The following MDGA2 variants were observed in gnomAD, a reference collection of about 807,000 sequenced individuals.
The protein encoded by MDGA2 is MAM domain containing glycosylphosphatidylinositol anchor 2.
Under a neutral mutation model 117.8 loss-of-function variants are expected in MDGA2, and 40 were observed. The observed-to-expected ratio is 0.34, with a 90% confidence interval of 0.26 to 0.44. The LOEUF (loss-of-function observed/expected upper bound fraction) is 0.44. Ranked by LOEUF, MDGA2 falls within the 20% of genes least tolerant of loss-of-function variation. MDGA2 has a pLI of 1.00. For synonymous variants in MDGA2, 452 were observed against 439.0 expected, an observed-to-expected ratio of 1.03 and a Z score of -0.37; for missense variants, 1,123 against 1,250.6, an observed-to-expected ratio of 0.90 and a Z score of 1.54.
intron 1 of MDGA2, among the ~76,000 whole-genome samples, chr14:47,305,769 A>T (rs1397693574): frequency 1.3e-5 from 2 of 152,214 alleles, no homozygotes; most frequent in Admixed American, 6.5e-5. Context: ...TAAATTATTT[A>T]AAATTATATG....
At chr14:47,587,025 G>A (rs1896338004) in intron 1 of MDGA2, among the ~76,000 whole-genome samples, 1 of 151,826 alleles carries the variant, frequency 6.6e-6, no homozygotes, top group South Asian at 2.1e-4. Flanking sequence ...CTGAATTTAT[G>A]CTATGTGCTC....
intron 5 of MDGA2, among the ~76,000 whole-genome samples, chr14:47,116,704 T>G (rs1017699880): frequency 2.6e-5 from 4 of 151,982 alleles, no homozygotes; most frequent in Non-Finnish European, 5.9e-5. Flanking sequence ...GATATCCATG[T>G]GCAAAGAAAA....
intron 2 of MDGA2, among the ~76,000 whole-genome samples, chr14:47,287,065 G>A (rs1000440859): frequency 5.9e-5 from 9 of 151,564 alleles, no homozygotes. Context: ...CTATTCTTAT[G>A]TTACACAAGA....
chr14:47,045,964 C>CA (rs1225233960), intron 7 of MDGA2, among the ~76,000 whole-genome samples: 4 of 97,738 alleles, frequency 4.1e-5, no homozygotes, highest in South Asian at 3.2e-4. Flanking sequence ...GACTCGGTCT[C>CA]AAAAAAAAAG....
Position 47,427,368 on chromosome 14 carries a change from G to A in MDGA2, c.281-125818C>T, listed in dbSNP as rs140720824. ...GAACTGAGAGGTGTCAGGTAAAACA[G>A]AGGGAAGGATGGCTATGATCTTCAA... is the stretch of plus-strand genomic sequence containing the variant. On this transcript the variant is annotated intron_variant, in intron 1 of 16. Coordinates refer to ENST00000399232, the MANE Select transcript of MDGA2 (RefSeq NM_001113498.3). 3.1e-3 allele frequency among the ~76,000 whole-genome samples: 473 copies of A among 152,228 alleles called. 1 individual carries two copies. Among genetic ancestry groups the A allele is most frequent in the African/African-American group, 0.011 (450 of 41,546 alleles).
At chr14:47,537,627 C>G (rs1263158227) in intron 1 of MDGA2, among the ~76,000 whole-genome samples, 3 of 71,898 alleles carry the variant, frequency 4.2e-5, no homozygotes, top group Admixed American at 1.5e-4. Context: ...TAAAAATAAG[C>G]AAAAGCTTGT....
intron 6 of MDGA2, among the ~76,000 whole-genome samples, chr14:47,073,226 C>T (rs1197430208): frequency 6.6e-6 from 1 of 152,004 alleles, no homozygotes; most frequent in Non-Finnish European, 1.5e-5. Flanking sequence ...TAAGGGTAAG[C>T]GATTAATAGC....
chr14:47,321,734 A>G (rs1265368984), intron 1 of MDGA2, among the ~76,000 whole-genome samples: 2 of 152,228 alleles, frequency 1.3e-5, no homozygotes, highest in Non-Finnish European at 1.5e-5. Flanking sequence ...ACAAACCAAG[A>G]GCAGTGCAAT....
intron 1 of MDGA2, among the ~76,000 whole-genome samples, chr14:47,561,869 T>C (rs570737368): frequency 1.8e-4 from 28 of 152,352 alleles, no homozygotes; most frequent in South Asian, 6.2e-4. Context: ...AAATCTGTCA[T>C]AGATGGCTCT....
chr14:46,890,389 C>CTGA (rs1329124443), intron 10 of MDGA2, among the ~76,000 whole-genome samples: 2 of 152,062 alleles, frequency 1.3e-5, no homozygotes, highest in Non-Finnish European at 2.9e-5. Flanking sequence ...AAATTCTCAA[C>CTGA]TGACCTTTTC....
chr14:46,873,663 G>T, intron 13 of MDGA2, 72 bp from the exon 14 acceptor site: 1 of 1,352,030 alleles, frequency 7.4e-7, no homozygotes, highest in Non-Finnish European at 1.0e-6. Context: ...TCACTGAGAA[G>T]TCTTATAGTT....
intron 5 of MDGA2, among the ~76,000 whole-genome samples, chr14:47,123,668 A>C (rs188102766): frequency 1.7e-4 from 26 of 152,180 alleles, no homozygotes; most frequent in Non-Finnish European, 2.6e-4. Context: ...TATACCTAGA[A>C]TATGAGTCAT....
intron 1 of MDGA2, among the ~76,000 whole-genome samples, chr14:47,496,417 A>G (rs891238184): frequency 6.6e-6 from 1 of 151,956 alleles, no homozygotes; most frequent in African/African-American, 2.4e-5. Context: ...TAATTTTTAA[A>G]TATTTTTGTA....
chr14:47,129,222 T>A (rs1424406297), intron 5 of MDGA2, among the ~76,000 whole-genome samples: 13 of 151,834 alleles, frequency 8.6e-5, no homozygotes. Flanking sequence ...ATTAGGTATA[T>A]CTCCCAATGC....
At chr14:47,131,498 T>C (rs1254378775) in intron 5 of MDGA2, among the ~76,000 whole-genome samples, 1 of 152,034 alleles carries the variant, frequency 6.6e-6, no homozygotes, top group East Asian at 1.9e-4. Flanking sequence ...TAATTTTGTA[T>C]GTTATACACG....
rs538720320 is a variant in MDGA2 at position 47,653,436 on chromosome 14, T to C, written c.280+21081A>G. ...CTTAAAGAGTTGGGGGAAGTAATAA[T>C]TACAAGGACTACAAAATTAGATGGT... On this transcript the variant is annotated intron_variant, in intron 1 of 16. Transcript: ENST00000399232. Among the ~76,000 whole-genome samples, 5 of 152,014 alleles carry C rather than the reference T, an allele frequency of 3.3e-5. 1 individual carries two copies. Among genetic ancestry groups the C allele is most frequent in the South Asian group, 4.2e-4 (2 of 4,818 alleles).
Position 47,258,682 on chromosome 14 carries a change from T to C in MDGA2, c.421-40487A>G, listed in dbSNP as rs1057372543. Among the ~76,000 whole-genome samples, 11 of 152,234 alleles carry C rather than the reference T, an allele frequency of 7.2e-5. No homozygotes were observed. In the East Asian group the frequency reaches 2.1e-3, roughly 29 times the overall value. On this transcript the variant is annotated intron_variant, in intron 2 of 16. Transcript: ENST00000399232. ...TAAACAATATAAATGTATTATATAATGTGAAAAGTATTTATTGGAAATGCA... is the reference window on the plus strand; with the variant it reads ...TAAACAATATAAATGTATTATATAACGTGAAAAGTATTTATTGGAAATGCA...
intron 8 of MDGA2, among the ~76,000 whole-genome samples, chr14:46,969,933 CATATATATATAT>C (rs1157465830): frequency 7.8e-4 from 12 of 15,298 alleles, no homozygotes; most frequent in East Asian, 3.4e-3. Context: ...TAAAGTATTC[CATATATATATAT>C]ATATATATAT....
chr14:47,599,266 C>T (rs1237040490), intron 1 of MDGA2, among the ~76,000 whole-genome samples: 1 of 151,116 alleles, frequency 6.6e-6, no homozygotes, highest in Admixed American at 6.6e-5. Flanking sequence ...CATAGAAAAT[C>T]TGCTATCAGG....
Sources: gnomAD v4.1 joint callset for allele counts (sites outside exome capture counted in the v4.1 genomes callset) on GRCh38, gnomAD v4.1.1 for gene constraint, MANE v1.5 for transcripts, NCBI Gene and HGNC (gene_info 2026-07-23, HGNC 2026-07-21) for gene names.